CUL4A: variants seen among roughly 807,000 people sequenced by gnomAD.
CUL4A encodes cullin-4A.
A neutral mutation model predicts 95.5 loss-of-function variants in CUL4A; 16 were observed. That is an observed-to-expected ratio of 0.17 (90% CI 0.11 to 0.25). The LOEUF (loss-of-function observed/expected upper bound fraction) is 0.25. Among genes scored for constraint, CUL4A ranks in the 10% least tolerant of loss-of-function variants. The probability of loss-of-function intolerance (pLI) is 1.00; values close to 1 mark genes in which losing one functional copy is unlikely to be tolerated. For missense variants in CUL4A, 610 were observed against 937.0 expected (o/e 0.65, Z 4.56); for synonymous variants, 380 against 353.1 (o/e 1.08, Z -0.85).
chr13:113,249,469 A>G (rs559845820), intron 15 of CUL4A, among the ~76,000 whole-genome samples: 1 of 152,232 alleles, frequency 6.6e-6, no homozygotes, highest in Non-Finnish European at 1.5e-5. Flanking sequence ...ATCACATTGT[A>G]TCGATAGGTC....
chr13:113,241,847 G>A (rs566061379), intron 10 of CUL4A, among the ~76,000 whole-genome samples: 9 of 151,876 alleles, frequency 5.9e-5, no homozygotes, highest in South Asian at 2.1e-4. Flanking sequence ...CAGCTACCTC[G>A]CGTGTGTGTG....
chr13:113,236,280 G>T (rs2041541393), intron 8 of CUL4A, among the ~76,000 whole-genome samples: 1 of 152,188 alleles, frequency 6.6e-6, no homozygotes, highest in South Asian at 2.1e-4. Flanking sequence ...GGGCCATGTT[G>T]TGCTTCCTTC....
In CUL4A at chr13:113,232,222, C is replaced by CCCACCACCATTACTGT. The variant is rs2041367213; in HGVS notation, c.513-954_513-953insCACCACCATTACTGTC. On this transcript the variant is annotated intron_variant, in intron 5 of 19. Transcript: ENST00000375440. ...TACCCGCCCACCACCATTACTGCTGCCACCACTACCCGCCCACCACCATTA... is the reference window on the plus strand; with the variant it reads ...TACCCGCCCACCACCATTACTGCTGCCCACCACCATTACTGTCACCACTACCCGCCCACCACCATTA... Among the ~76,000 whole-genome samples, 6 of 5,460 alleles carry CCCACCACCATTACTGT rather than the reference C, an allele frequency of 1.1e-3. 2 individuals are homozygous for CCCACCACCATTACTGT. In the East Asian group the frequency reaches 0.025, roughly 23 times the overall value. 3.6% of individuals were successfully genotyped at this position (5,460 alleles called of 152,430 possible).
intron 3 of CUL4A, among the ~76,000 whole-genome samples, chr13:113,222,030 A>G (rs901063961): frequency 7.9e-5 from 12 of 152,218 alleles, no homozygotes; most frequent in African/African-American, 2.7e-4. Context: ...TGGGATGCCA[A>G]GGTGGCACAG....
At chr13:113,229,358 A>T in intron 4 of CUL4A, 88 bp from the exon 5 acceptor site, 1 of 1,070,404 alleles carries the variant, frequency 9.3e-7, no homozygotes, top group South Asian at 1.3e-5. Flanking sequence ...GTTGGATTTG[A>T]GACAGCTAGC....
At chr13:113,214,638 C>T (rs113370558) in intron 2 of CUL4A, among the ~76,000 whole-genome samples, 23 of 152,278 alleles carry the variant, frequency 1.5e-4, no homozygotes, top group African/African-American at 5.5e-4. Context: ...CAGGCGTGAG[C>T]CATTGCACCC....
chr13:113,255,499 C>A (rs1436474388), intron 18 of CUL4A, among the ~76,000 whole-genome samples: 1 of 151,988 alleles, frequency 6.6e-6, no homozygotes, highest in Non-Finnish European at 1.5e-5. Context: ...GTTATGTATC[C>A]ACCATTATAG....
rs182134695 is a variant in CUL4A at position 113,221,570 on chromosome 13, T to G, written c.368+2522T>G. On this transcript the variant is annotated intron_variant, in intron 3 of 19. Transcript: ENST00000375440. ...TAAGGGTTTTTTTTGTTTTGTTTTT[T>G]TGTGTTATTTATTTATTTATTTTTG... Among the ~76,000 whole-genome samples the G allele has an allele frequency of 8.1e-3, 1,236 of 152,214 alleles. 14 individuals carry two copies. The highest frequency in any genetic ancestry group is 0.027 in the African/African-American group (1,109 of 41,528).
At chr13:113,219,093 CT>C in intron 3 of CUL4A, 45 bp downstream of exon 3, 1 of 1,184,002 alleles carries the variant, frequency 8.4e-7, no homozygotes, top group Non-Finnish European at 1.2e-6. Flanking sequence ...TTATCTAAGT[CT>C]TTTAAAACTG....
At chr13:113,216,340 C>T (rs1358412930) in intron 2 of CUL4A, among the ~76,000 whole-genome samples, 1 of 152,206 alleles carries the variant, frequency 6.6e-6, no homozygotes, top group Non-Finnish European at 1.5e-5. Context: ...AATGCTTTGA[C>T]ACTATAAATA....
At chr13:113,229,714 C>T in intron 5 of CUL4A, 195 bp downstream of exon 5, 1 of 558,056 alleles carries the variant, frequency 1.8e-6, no homozygotes, top group South Asian at 2.4e-5. Context: ...TAGCCAGCAG[C>T]AAGGAGTGGA....
chr13:113,259,025 G>A (rs1264512688), intron 18 of CUL4A, among the ~76,000 whole-genome samples: 1 of 152,172 alleles, frequency 6.6e-6, no homozygotes, highest in Non-Finnish European at 1.5e-5. Flanking sequence ...TTACATTTCT[G>A]ACGGTTTTTA....
chr13:113,243,049 G>A lies in CUL4A; in HGVS notation c.1117G>A (p.Asp373Asn). Reference protein sequence around the residue: ...QDLLDFKDKVDHVIEVCFQKN... With the variant: ...QDLLDFKDKVNHVIEVCFQKN... The stretch of plus-strand genomic sequence containing the variant: ...CCTGTTGGACTTCAAGGACAAGGTG[G>A]ACCACGTGATCGAGGTCTGCTTCCA... The change falls in exon 11 of 20, where the codon GAC becomes AAC. Residue 373 changes from aspartate to asparagine, a missense_variant. Asp to Asn is a conservative substitution (Grantham distance 23). This residue lies in a region of CUL4A where 153 missense variants were observed against 244.5 expected (regional missense o/e 0.63). Coordinates refer to ENST00000375440, the MANE Select transcript of CUL4A (RefSeq NM_001008895.4). The A allele has an allele frequency of 1.2e-6, 2 of 1,614,198 alleles. No homozygotes were observed. The highest frequency in any genetic ancestry group is 1.7e-6 in the Non-Finnish European group (2 of 1,180,018).
chr13:113,250,659 A>C lies in CUL4A; in HGVS notation c.1639-2423A>C, dbSNP rs565261854. Reference sequence around the variant, plus strand: ...ATCCCAAGGAGATGGTTTTTAGGAAAGATATGCACTAAGAGGTTTATCACA... The same window carrying C: ...ATCCCAAGGAGATGGTTTTTAGGAACGATATGCACTAAGAGGTTTATCACA... On this transcript the variant is annotated intron_variant, in intron 15 of 19. Coordinates refer to ENST00000375440, the MANE Select transcript of CUL4A (RefSeq NM_001008895.4). Among the ~76,000 whole-genome samples, 4 of 152,286 alleles carry C rather than the reference A, an allele frequency of 2.6e-5. 1 individual carries two copies. The South Asian group carries it at 8.3e-4, about 32-fold the overall frequency.
intron 2 of CUL4A, 71 bp from the exon 3 acceptor site, chr13:113,218,874 A>T (rs912583870): frequency 9.5e-7 from 1 of 1,056,634 alleles, no homozygotes; most frequent in African/African-American, 1.6e-5. Context: ...CAGCTATGTT[A>T]ACAATAGGGT....
At chr13:113,256,320 C>G (rs1417458935) in intron 18 of CUL4A, among the ~76,000 whole-genome samples, 1 of 152,192 alleles carries the variant, frequency 6.6e-6, no homozygotes, top group Non-Finnish European at 1.5e-5. Context: ...CCCTCGGCCA[C>G]AGGCACTAAC....
At chr13:113,233,371 T>C in intron 6 of CUL4A, 32 bp downstream of exon 6, 1 of 1,588,240 alleles carries the variant, frequency 6.3e-7, no homozygotes, top group Admixed American at 1.7e-5. Flanking sequence ...GATACCTGGG[T>C]ACCTGCCCAG....
chr13:113,258,533 C>G (rs987256289), intron 18 of CUL4A, among the ~76,000 whole-genome samples: 9 of 152,174 alleles, frequency 5.9e-5, no homozygotes, highest in Non-Finnish European at 1.0e-4. Context: ...GTAAGTCTTG[C>G]ATATTTCTTG....
chr13:113,250,688 C>A (rs2139265297), intron 15 of CUL4A, among the ~76,000 whole-genome samples: 1 of 151,990 alleles, frequency 6.6e-6, no homozygotes, highest in East Asian at 1.9e-4. Flanking sequence ...TATCACAAAC[C>A]ATGGTACTTC....
Sources: allele counts gnomAD v4.1 joint callset (sites outside exome capture counted in the v4.1 genomes callset), GRCh38; gene constraint gnomAD v4.1.1; regional missense constraint gnomAD v4.1.1; transcripts MANE v1.5; gene names NCBI Gene and HGNC (gene_info 2026-07-23, HGNC 2026-07-21).